ADGRF5: variants seen among roughly 807,000 people sequenced by gnomAD.
ADGRF5 encodes the protein adhesion G protein-coupled receptor F5.
ADGRF5 carries 75 observed loss-of-function variants against 132.3 expected under a neutral mutation model. The ratio of observed to expected loss-of-function variants is 0.57; its 90% CI spans 0.47 to 0.69. ADGRF5 has a LOEUF of 0.69. ADGRF5 is among the 30% of genes least tolerant of loss of function. The pLI is 0.00. For synonymous variants in ADGRF5, 629 were observed against 597.6 expected (o/e 1.05, Z -0.77); for missense variants, 1,516 against 1,630.6 (o/e 0.93, Z 1.21).
rs749840019 is a variant in ADGRF5 at position 46,884,135 on chromosome 6, T to C, written c.465A>G (p.Lys155=). 4.3e-6 allele frequency: 7 copies of C among 1,614,132 alleles called. No individual in the cohort carries two copies. In the South Asian group the frequency reaches 7.7e-5, roughly 18 times the overall value. The change falls in exon 5 of 21, where the codon AAA becomes AAG. Residue 155 remains lysine, a synonymous_variant. Transcript: ENST00000283296. Reference sequence around the variant, plus strand: ...AAAAAGGTCCATTGGGAGGCAGTTCTTTAAGGCAACTGCAATGGTGCCCTG... The same window carrying C: ...AAAAAGGTCCATTGGGAGGCAGTTCCTTAAGGCAACTGCAATGGTGCCCTG... ...FLPGHHCSCL[K]ELPPNGPFCL... is the part of the protein sequence containing the mutation.
chr6:46,877,702 CAG>C (rs1459455378), intron 10 of ADGRF5, among the ~76,000 whole-genome samples: 2 of 151,852 alleles, frequency 1.3e-5, no homozygotes, highest in African/African-American at 4.8e-5. Flanking sequence ...AACAGGTCTG[CAG>C]AGAGAGAGGG....
chr6:46,927,011 G>A (rs1343371006), intron 1 of ADGRF5, among the ~76,000 whole-genome samples: 4 of 152,104 alleles, frequency 2.6e-5, no homozygotes, highest in Admixed American at 6.5e-5. Flanking sequence ...AGGCTGATCT[G>A]CAAACATCAG....
chr6:46,900,841 T>C (rs1169335861), intron 2 of ADGRF5, among the ~76,000 whole-genome samples: 1 of 152,202 alleles, frequency 6.6e-6, no homozygotes, highest in East Asian at 1.9e-4. Flanking sequence ...GCTATTATTA[T>C]ACAGTGTGGT....
chr6:46,853,944 GCA>G lies in ADGRF5; in HGVS notation c.*46_*47del. 7.7e-7 allele frequency: 1 copy of G among 1,303,286 alleles called. No homozygotes were observed. The highest frequency in any genetic ancestry group is 1.1e-6 in the Non-Finnish European group (1 of 921,270). The allele number at this position is 1,303,286 out of a possible 1,614,324, so 80.7% of individuals were successfully genotyped here. A position where few individuals can be genotyped will look rare whatever the true frequency, so the allele number is the denominator to read the frequency against. Reference sequence around the variant, plus strand: ...GCTTTGCAAGCATCTCTTTTTAAAAGCACAGCCACTGTCCCCGGGAGGTCACG... The same window carrying G: ...GCTTTGCAAGCATCTCTTTTTAAAAGCAGCCACTGTCCCCGGGAGGTCACG... On this transcript the variant is annotated 3_prime_UTR_variant, in exon 21 of 21. Coordinates refer to ENST00000283296, the MANE Select transcript of ADGRF5 (RefSeq NM_001098518.2).
chr6:46,928,877 CT>C (rs763629964), intron 1 of ADGRF5, among the ~76,000 whole-genome samples: 2 of 152,166 alleles, frequency 1.3e-5, no homozygotes, highest in African/African-American at 2.4e-5. Context: ...AATAGGAACA[CT>C]TTTACACTGT....
intron 1 of ADGRF5, among the ~76,000 whole-genome samples, chr6:46,918,924 T>C (rs571907963): frequency 6.6e-6 from 1 of 152,296 alleles, no homozygotes; most frequent in East Asian, 1.9e-4. Flanking sequence ...CCCAGCTGCA[T>C]TATAGAATCA....
At chr6:46,876,978 T>G (rs954366531) in intron 10 of ADGRF5, among the ~76,000 whole-genome samples, 1 of 152,250 alleles carries the variant, frequency 6.6e-6, no homozygotes, top group Non-Finnish European at 1.5e-5. Context: ...ACCACACTAA[T>G]GTATTTCATG....
At chr6:46,868,647 A>G (rs1770721363) in intron 12 of ADGRF5, among the ~76,000 whole-genome samples, 1 of 152,240 alleles carries the variant, frequency 6.6e-6, no homozygotes, top group Non-Finnish European at 1.5e-5. Flanking sequence ...AATTAGAGAC[A>G]CTAGTTCCAT....
At position 46,853,895 on chromosome 6, in the gene ADGRF5, T is replaced by A. The variant is rs185722086; in HGVS notation, c.*97A>T. On this transcript the variant is annotated 3_prime_UTR_variant, in exon 21 of 21. Coordinates refer to ENST00000283296, the MANE Select transcript of ADGRF5 (RefSeq NM_001098518.2). The stretch of plus-strand genomic sequence containing the variant: ...TTTTTGGCATCTGCTCCCGGAAACC[T>A]GCCCCGAGAACACGTTCCCCATTGC... The A allele has an allele frequency of 2.1e-5, 17 of 810,824 alleles. No homozygotes were observed. The Admixed American group carries it at 4.0e-4, about 19-fold the overall frequency. The allele number at this position is 810,824 out of a possible 1,614,324, so 50.2% of individuals were successfully genotyped here.
intron 13 of ADGRF5, among the ~76,000 whole-genome samples, chr6:46,865,519 A>G (rs1770314591): frequency 6.6e-6 from 1 of 152,162 alleles, no homozygotes; most frequent in Non-Finnish European, 1.5e-5. Context: ...TGCCTTTACC[A>G]TATTGGTATA....
At chr6:46,909,893 A>C (rs1288254948) in intron 1 of ADGRF5, among the ~76,000 whole-genome samples, 1 of 151,886 alleles carries the variant, frequency 6.6e-6, no homozygotes, top group African/African-American at 2.4e-5. Context: ...CTAGCTACTC[A>C]GGGGGCTGAG....
In ADGRF5 at chr6:46,882,091, C is replaced by T. The variant is rs975550070; in HGVS notation, c.629G>A (p.Gly210Glu). 1.2e-6 allele frequency: 2 copies of T among 1,611,078 alleles called. No homozygotes were observed. Among genetic ancestry groups the T allele is most frequent in the Non-Finnish European group, 1.7e-6 (2 of 1,177,474 alleles). The change falls in exon 7 of 21, where the codon GGA becomes GAA. Residue 210 changes from glycine to glutamate, a missense_variant. By Grantham distance (98) the Gly-to-Glu change is moderately conservative. Coordinates refer to ENST00000283296, the MANE Select transcript of ADGRF5 (RefSeq NM_001098518.2). The part of the protein sequence containing the change: ...DLETAFRKGY[G>E]ILPGFKGVTV... ...CACGCCCTTGAAGCCTGGTAAAATT[C>T]CGTAACCCTTCCGGAACTGAAAAAT... is the stretch of plus-strand genomic sequence containing the variant.
At chr6:46,868,042 A>T (rs1264663450) in intron 12 of ADGRF5, among the ~76,000 whole-genome samples, 1 of 152,178 alleles carries the variant, frequency 6.6e-6, no homozygotes, top group Non-Finnish European at 1.5e-5. Context: ...AGCCCAAACA[A>T]TAACTAGTTG....
chr6:46,909,368 A>G (rs1775707732), intron 1 of ADGRF5, among the ~76,000 whole-genome samples: 1 of 152,150 alleles, frequency 6.6e-6, no homozygotes, highest in Non-Finnish European at 1.5e-5. Flanking sequence ...AATCCAGGAC[A>G]CTCTCTACTA....
intron 18 of ADGRF5, 39 bp downstream of exon 18, chr6:46,856,828 C>T: frequency 6.2e-7 from 1 of 1,606,318 alleles, no homozygotes; most frequent in Non-Finnish European, 8.5e-7. Flanking sequence ...ACAAGCACTT[C>T]AGACTTTTCT....
chr6:46,895,402 T>C (rs899084037), intron 3 of ADGRF5, among the ~76,000 whole-genome samples: 1 of 151,622 alleles, frequency 6.6e-6, no homozygotes, highest in Non-Finnish European at 1.5e-5. Flanking sequence ...CAGGGCTACA[T>C]GTCATCATCA....
chr6:46,860,643 G>T, intron 16 of ADGRF5, 72 bp downstream of exon 16: 1 of 1,111,648 alleles, frequency 9.0e-7, no homozygotes, highest in Non-Finnish European at 1.3e-6. Flanking sequence ...GAGGAATTAC[G>T]TTTCTTGAAT....
At chr6:46,857,198 TC>T (rs1769154395) in intron 17 of ADGRF5, among the ~76,000 whole-genome samples, 1 of 152,224 alleles carries the variant, frequency 6.6e-6, no homozygotes, top group Non-Finnish European at 1.5e-5. Flanking sequence ...TCTACAATAT[TC>T]TTTACATAGC....
chr6:46,893,224 C>A (rs1006226034), intron 3 of ADGRF5, among the ~76,000 whole-genome samples: 10 of 151,912 alleles, frequency 6.6e-5, no homozygotes, highest in South Asian at 2.1e-4. Context: ...GAGATAGCAA[C>A]CCTCTTGGCT....
Sources: gnomAD v4.1 joint callset for allele counts (sites outside exome capture counted in the v4.1 genomes callset) on GRCh38, gnomAD v4.1.1 for gene constraint, MANE v1.5 for transcripts, NCBI Gene and HGNC (gene_info 2026-07-23, HGNC 2026-07-21) for gene names.